The following INPP5A variants were observed in gnomAD, a reference collection of about 807,000 sequenced individuals.
The protein encoded by INPP5A is inositol polyphosphate-5-phosphatase A.
A neutral mutation model predicts 65.2 loss-of-function variants in INPP5A; 14 were observed. The observed-to-expected ratio is 0.21, with a 90% CI of 0.14 to 0.34. INPP5A has a LOEUF of 0.34. Ranked by LOEUF, INPP5A falls within the 10% of genes least tolerant of loss-of-function variation. The pLI is 1.00. For synonymous variants in INPP5A, 207 were observed against 208.3 expected, an observed-to-expected ratio of 0.99 and a Z score of 0.05; for missense variants, 431 against 545.6, an observed-to-expected ratio of 0.79 and a Z score of 2.09.
chr10:132,777,936 A>ACC (rs1187017629), intron 13 of INPP5A, 154 bp downstream of exon 13: 1 of 1,464,940 alleles, frequency 6.8e-7, no homozygotes, highest in South Asian at 1.4e-5. Flanking sequence ...CATGAGCTGC[A>ACC]CCCCAGCATT....
At position 132,678,072 on chromosome 10, in the gene INPP5A, C is replaced by T. The variant is rs995341869; in HGVS notation, c.307-12320C>T. On this transcript the variant is annotated intron_variant, in intron 4 of 15. Coordinates refer to ENST00000368594, the MANE Select transcript of INPP5A (RefSeq NM_005539.5). The surrounding 1 kb of genome is among the most constrained non-coding windows in gnomAD (Gnocchi z 4.1). ...CGGCAGGAGGCCAGACAGGGGGACA[C>T]CTTGGTGCCGTCATCCCGTTTGGCC... is the stretch of plus-strand genomic sequence containing the variant. 6.6e-6 allele frequency among the ~76,000 whole-genome samples: 1 copy of T among 152,214 alleles called. No individual in the cohort carries two copies. Among genetic ancestry groups the T allele is most frequent in the African/African-American group, 2.4e-5 (1 of 41,444 alleles).
In INPP5A at chr10:132,707,375, C is replaced by A. The variant is rs528844227; in HGVS notation, c.475-938C>A. On this transcript the variant is annotated intron_variant, in intron 6 of 15. Coordinates refer to ENST00000368594, the MANE Select transcript of INPP5A (RefSeq NM_005539.5). This position sits in a 1 kb window ranked among gnomAD's most constrained non-coding sequence, Gnocchi z 5.5. ...AGCGCTTTGCTTTGTGGACCTTGGA[C>A]TTGACTCTGTCAGCCTCTTCCCAGT... Among the ~76,000 whole-genome samples the A allele has an allele frequency of 6.6e-6, 1 of 152,360 alleles. No homozygotes were observed. Among genetic ancestry groups the A allele is most frequent in the Non-Finnish European group, 1.5e-5 (1 of 68,034 alleles).
intron 2 of INPP5A, among the ~76,000 whole-genome samples, chr10:132,632,459 A>G (rs762612897): frequency 3.9e-5 from 6 of 152,044 alleles, no homozygotes; most frequent in Non-Finnish European, 7.4e-5. Flanking sequence ...CATTGTTGAC[A>G]CCTCACAGCG....
Position 132,663,870 on chromosome 10 carries a change from TC to T in INPP5A, c.306+13367del, listed in dbSNP as rs1212844805. 6.6e-6 allele frequency among the ~76,000 whole-genome samples: 1 copy of T among 152,116 alleles called. No individual in the cohort carries two copies. Among genetic ancestry groups the T allele is most frequent in the Non-Finnish European group, 1.5e-5 (1 of 68,020 alleles). ...TCTCCCCCTGTCGCCGGGTGGGAAA[TC>T]CGTAACAGGCTCTGTGGCAAAGGCT... On this transcript the variant is annotated intron_variant, in intron 4 of 15. Coordinates refer to ENST00000368594, the MANE Select transcript of INPP5A (RefSeq NM_005539.5). The surrounding 1 kb of genome is among the most constrained non-coding windows in gnomAD (Gnocchi z 4.5).
chr10:132,743,115 A>T (rs1288000382), intron 9 of INPP5A, among the ~76,000 whole-genome samples: 2 of 152,182 alleles, frequency 1.3e-5, no homozygotes, highest in African/African-American at 2.4e-5. Context: ...AATTGGTAAA[A>T]TGTGTCTTCA....
chr10:132,678,870 G>A lies in INPP5A; in HGVS notation c.307-11522G>A, dbSNP rs1439319693. 1.3e-5 allele frequency among the ~76,000 whole-genome samples: 2 copies of A among 152,234 alleles called. No homozygotes were observed. The highest frequency in any genetic ancestry group is 2.9e-5 in the Non-Finnish European group (2 of 68,038). On this transcript the variant is annotated intron_variant, in intron 4 of 15. Coordinates refer to ENST00000368594, the MANE Select transcript of INPP5A (RefSeq NM_005539.5). This position sits in a 1 kb window ranked among gnomAD's most constrained non-coding sequence, Gnocchi z 4.1. ...TTTCCACAGAGACCTGAAGCAGCAGGGGGTCCATGTGAGAAGCTGGAAAAG... is the reference window on the plus strand; with the variant it reads ...TTTCCACAGAGACCTGAAGCAGCAGAGGGTCCATGTGAGAAGCTGGAAAAG...
chr10:132,757,062 A>G (rs1438799214), intron 11 of INPP5A, among the ~76,000 whole-genome samples: 1 of 152,272 alleles, frequency 6.6e-6, no homozygotes, highest in Non-Finnish European at 1.5e-5. Context: ...TTGACAAAAG[A>G]GTGAAAAAGT....
At chr10:132,596,568 C>A (rs1160992591) in intron 1 of INPP5A, among the ~76,000 whole-genome samples, 1 of 152,072 alleles carries the variant, frequency 6.6e-6, no homozygotes, top group Non-Finnish European at 1.5e-5. Context: ...GCTGGGATTA[C>A]AGGCACCCAC....
intron 11 of INPP5A, among the ~76,000 whole-genome samples, chr10:132,761,898 G>A (rs996781769): frequency 3.9e-5 from 6 of 152,036 alleles, no homozygotes; most frequent in East Asian, 1.9e-4. Context: ...TTATAATATT[G>A]TAAATTATTA....
chr10:132,574,343 A>C (rs1237214994), intron 1 of INPP5A, among the ~76,000 whole-genome samples: 9 of 136,346 alleles, frequency 6.6e-5, no homozygotes, highest in African/African-American at 2.0e-4. Context: ...GGTTTTGTTG[A>C]GATGTTGGGA....
intron 8 of INPP5A, among the ~76,000 whole-genome samples, chr10:132,718,486 C>G (rs1161546725): frequency 8.9e-3 from 712 of 80,004 alleles, no homozygotes; most frequent in Middle Eastern, 0.019. Context: ...CCTGGGTTCT[C>G]TCTGGGCGCC....
At chr10:132,568,106 G>T (rs1170487237) in intron 1 of INPP5A, among the ~76,000 whole-genome samples, 1 of 149,972 alleles carries the variant, frequency 6.7e-6, no homozygotes, top group Non-Finnish European at 1.5e-5. Flanking sequence ...CAGGAGAATT[G>T]CTTGAACCTA....
chr10:132,540,746 G>A (rs531749990), intron 1 of INPP5A, among the ~76,000 whole-genome samples: 1 of 152,220 alleles, frequency 6.6e-6, no homozygotes, highest in South Asian at 2.1e-4. Flanking sequence ...GCTGACGAAC[G>A]CACCCTGCAG....
At chr10:132,695,014 A>G (rs981079297) in intron 5 of INPP5A, among the ~76,000 whole-genome samples, 2 of 152,328 alleles carry the variant, frequency 1.3e-5, no homozygotes, top group Non-Finnish European at 2.9e-5. Flanking sequence ...TAAGCAGAGG[A>G]CAAACGTCCT....
chr10:132,655,124 T>C (rs1469806963), intron 4 of INPP5A, among the ~76,000 whole-genome samples: 2 of 152,230 alleles, frequency 1.3e-5, no homozygotes, highest in Non-Finnish European at 2.9e-5. Flanking sequence ...CCCCGAGCTC[T>C]GCGCCCGCAT....
At chr10:132,662,814 G>A (rs2072753940) in intron 4 of INPP5A, among the ~76,000 whole-genome samples, 1 of 152,202 alleles carries the variant, frequency 6.6e-6, no homozygotes, top group African/African-American at 2.4e-5. Context: ...AGAGCCAAGT[G>A]TAAATTGTGT....
At chr10:132,625,572 G>A (rs2072171702) in intron 2 of INPP5A, among the ~76,000 whole-genome samples, 1 of 152,192 alleles carries the variant, frequency 6.6e-6, no homozygotes, top group South Asian at 2.1e-4. Flanking sequence ...AGACTGGCCG[G>A]CAGCTGGCTG....
rs753770172 is a variant in INPP5A at position 132,698,447 on chromosome 10, C to T, written c.474+528C>T. ...ATCAAAATGTGTGGAAGGCATTTGT[C>T]GTCTCACTGCCAGACACGGTGTTGA... On this transcript the variant is annotated intron_variant, in intron 6 of 15. Transcript: ENST00000368594. The surrounding 1 kb of genome is among the most constrained non-coding windows in gnomAD (Gnocchi z 5.5). Among the ~76,000 whole-genome samples, 17 of 152,226 alleles carry T rather than the reference C, an allele frequency of 1.1e-4. No homozygotes were observed. The highest frequency in any genetic ancestry group is 1.9e-4 in the Non-Finnish European group (13 of 68,038).
At chr10:132,649,923 C>T (rs531125118) in intron 3 of INPP5A, among the ~76,000 whole-genome samples, 74 of 152,284 alleles carry the variant, frequency 4.9e-4, no homozygotes, top group African/African-American at 1.7e-3. Context: ...TGTGTGGTTG[C>T]AAGGCCGTGG....
Sources: allele counts gnomAD v4.1 joint callset (sites outside exome capture counted in the v4.1 genomes callset), GRCh38; gene constraint gnomAD v4.1.1; non-coding constraint Gnocchi (gnomAD v3.1); transcripts MANE v1.5; gene names NCBI Gene and HGNC (gene_info 2026-07-23, HGNC 2026-07-21).